SMYD3: variants seen among roughly 807,000 people sequenced by gnomAD.
SMYD3 encodes histone-lysine N-methyltransferase SMYD3.
A neutral mutation model predicts 57.7 loss-of-function variants in SMYD3; 36 were observed. The ratio of observed to expected loss-of-function variants is 0.62; its 90% CI spans 0.48 to 0.82. The LOEUF (loss-of-function observed/expected upper bound fraction) is 0.82, where lower values mean the gene tolerates loss of function less well. Among genes scored for constraint, SMYD3 ranks in the 40% least tolerant of loss-of-function variants. The pLI is 0.00. For missense variants in SMYD3, 515 were observed against 538.8 expected, an observed-to-expected ratio of 0.96 and a Z score of 0.44; for synonymous variants, 211 against 195.0, an observed-to-expected ratio of 1.08 and a Z score of -0.68.
chr1:245,830,348 G>A lies in SMYD3; in HGVS notation c.1076+28148C>T, dbSNP rs1320151159. Among the ~76,000 whole-genome samples the A allele has an allele frequency of 3.3e-5, 5 of 152,206 alleles. No individual in the cohort carries two copies. In the South Asian group the frequency reaches 8.3e-4, roughly 25 times the overall value. ...CACGTCCTACATGGCGGCAGGCAAG[G>A]GAGCTTGTTGAGGTGAACTCCCACT... On this transcript the variant is annotated intron_variant, in intron 10 of 11. Coordinates refer to ENST00000490107, the MANE Select transcript of SMYD3 (RefSeq NM_001167740.2).
chr1:246,180,288 T>C (rs1374065720), intron 5 of SMYD3, among the ~76,000 whole-genome samples: 3 of 145,456 alleles, frequency 2.1e-5, no homozygotes, highest in African/African-American at 7.6e-5. Flanking sequence ...TATAAACTAC[T>C]TATATATATA....
In SMYD3 at chr1:245,915,572, G is replaced by A; in HGVS notation, c.771C>T (p.Tyr257=). Residue 257 remains tyrosine (Y), a synonymous_variant, in exon 8 of 12, where the codon TAC becomes TAT. Coordinates refer to ENST00000490107, the MANE Select transcript of SMYD3 (RefSeq NM_001167740.2). ...AACGGAAACAGTCACATTCAAAGCA[G>A]TACTGGTCCCTCAGCTGCTTCCGGC... ...EERRKQLRDQ[Y]CFECDCFRCQ... is the part of the protein sequence containing the mutation. 6.2e-7 allele frequency: 1 copy of A among 1,614,026 alleles called. No individual in the cohort carries two copies. The highest frequency in any genetic ancestry group is 8.5e-7 in the Non-Finnish European group (1 of 1,179,962).
chr1:246,221,945 G>A (rs2063262009), intron 5 of SMYD3, among the ~76,000 whole-genome samples: 1 of 152,156 alleles, frequency 6.6e-6, no homozygotes, highest in Non-Finnish European at 1.5e-5. Context: ...ATGACAGTAT[G>A]ACTTATATCC....
intron 8 of SMYD3, among the ~76,000 whole-genome samples, chr1:245,914,548 C>T (rs539942072): frequency 1.1e-4 from 16 of 152,218 alleles, no homozygotes; most frequent in African/African-American, 3.9e-4. Context: ...TGTTCTCACT[C>T]ATATGTGGGA....
chr1:246,008,964 C>A (rs2059227419), intron 5 of SMYD3, among the ~76,000 whole-genome samples: 1 of 152,188 alleles, frequency 6.6e-6, no homozygotes, highest in Non-Finnish European at 1.5e-5. Flanking sequence ...CAAGTGCCAG[C>A]CGTACCGCTT....
At chr1:246,172,857 C>G (rs1204771816) in intron 5 of SMYD3, among the ~76,000 whole-genome samples, 1 of 149,720 alleles carries the variant, frequency 6.7e-6, no homozygotes, top group Non-Finnish European at 1.5e-5. Context: ...TTTATCAACA[C>G]TACACACTTA....
At chr1:245,816,822 A>T (rs1001236679) in intron 10 of SMYD3, among the ~76,000 whole-genome samples, 1 of 152,184 alleles carries the variant, frequency 6.6e-6, no homozygotes, top group African/African-American at 2.4e-5. Flanking sequence ...TCCCACCCGA[A>T]TATTGCGCTT....
At chr1:245,761,888 C>T (rs1029927811) in intron 11 of SMYD3, among the ~76,000 whole-genome samples, 7 of 147,226 alleles carry the variant, frequency 4.8e-5, no homozygotes, top group South Asian at 2.1e-4. Context: ...TGGGTTAAAG[C>T]GATTCTCTCA....
intron 6 of SMYD3, among the ~76,000 whole-genome samples, 189 bp from the exon 7 acceptor site, chr1:245,928,222 A>G (rs546712948): frequency 1.2e-4 from 19 of 152,214 alleles, no homozygotes; most frequent in African/African-American, 4.3e-4. Context: ...ACGAAGTGCA[A>G]TTCTCCTCAA....
intron 1 of SMYD3, among the ~76,000 whole-genome samples, chr1:246,407,089 G>A (rs936028493): frequency 2.0e-5 from 3 of 152,162 alleles, no homozygotes; most frequent in Non-Finnish European, 4.4e-5. Context: ...GGATAGTTTG[G>A]TTTTCACAAT....
At chr1:245,774,402 A>C (rs1558322743) in intron 10 of SMYD3, among the ~76,000 whole-genome samples, 5 of 152,208 alleles carry the variant, frequency 3.3e-5, no homozygotes, top group Non-Finnish European at 2.9e-5. Flanking sequence ...AAGCTGAAAG[A>C]AAGCCAGTGG....
At chr1:246,387,922 C>G (rs1266628658) in intron 1 of SMYD3, among the ~76,000 whole-genome samples, 1 of 72,856 alleles carries the variant, frequency 1.4e-5, no homozygotes, top group Non-Finnish European at 2.9e-5. Context: ...GGAAAATCAC[C>G]TCGAGGTTGA....
chr1:246,119,132 C>T (rs901004644), intron 5 of SMYD3, among the ~76,000 whole-genome samples: 1 of 152,098 alleles, frequency 6.6e-6, no homozygotes, highest in African/African-American at 2.4e-5. Context: ...GCCATCCTCT[C>T]GCCTCAGCTT....
chr1:245,755,847 T>C (rs541166906), intron 11 of SMYD3, among the ~76,000 whole-genome samples: 9 of 152,032 alleles, frequency 5.9e-5, no homozygotes, highest in Non-Finnish European at 8.8e-5. Context: ...TCTACTAATC[T>C]CTGTCTTTTA....
chr1:246,158,105 C>T (rs1184927940), intron 5 of SMYD3, among the ~76,000 whole-genome samples: 2 of 152,200 alleles, frequency 1.3e-5, no homozygotes, highest in Admixed American at 1.3e-4. Flanking sequence ...ATTATTAAAG[C>T]CTGCACTGAT....
At chr1:246,106,951 G>C (rs541039346) in intron 5 of SMYD3, among the ~76,000 whole-genome samples, 39 of 152,234 alleles carry the variant, frequency 2.6e-4, no homozygotes, top group Non-Finnish European at 4.1e-4. Flanking sequence ...GGGTTGGTGT[G>C]AACGTGAAAA....
chr1:246,062,874 C>G (rs1411018713), intron 5 of SMYD3, among the ~76,000 whole-genome samples: 1 of 152,056 alleles, frequency 6.6e-6, no homozygotes, highest in Non-Finnish European at 1.5e-5. Context: ...AAATAGAAAA[C>G]ATATAATAAT....
At chr1:246,053,943 A>T (rs1305779336) in intron 5 of SMYD3, among the ~76,000 whole-genome samples, 1 of 152,202 alleles carries the variant, frequency 6.6e-6, no homozygotes. Flanking sequence ...TATTAAAATT[A>T]AAAACTTCGG....
chr1:245,762,369 A>G (rs1162928647), intron 11 of SMYD3, among the ~76,000 whole-genome samples: 2 of 152,180 alleles, frequency 1.3e-5, no homozygotes, highest in African/African-American at 2.4e-5. Context: ...ACTTACGAAC[A>G]TCTACTTGCA....
Sources: gnomAD v4.1 joint callset for allele counts (sites outside exome capture counted in the v4.1 genomes callset) on GRCh38, gnomAD v4.1.1 for gene constraint, MANE v1.5 for transcripts, NCBI Gene and HGNC (gene_info 2026-07-23, HGNC 2026-07-21) for gene names.